TRPC5: variants seen among roughly 807,000 people sequenced by gnomAD.
The protein encoded by TRPC5 is short transient receptor potential channel 5.
TRPC5 carries 9 observed loss-of-function variants against 56.5 expected under a neutral mutation model. That is an observed-to-expected ratio of 0.16 (90% CI 0.10 to 0.28). The LOEUF (loss-of-function observed/expected upper bound fraction) is 0.28. TRPC5 is among the 10% of genes least tolerant of loss of function. The probability of loss-of-function intolerance (pLI) is 1.00; values close to 1 mark genes in which losing one functional copy is unlikely to be tolerated. For missense variants in TRPC5, 469 were observed against 748.9 expected, an observed-to-expected ratio of 0.63 and a Z score of 4.36; for synonymous variants, 282 against 278.5, an observed-to-expected ratio of 1.01 and a Z score of -0.13.
At chrX:111,800,829 C>A (rs182030255) in intron 7 of TRPC5, among the ~76,000 whole-genome samples, 12 of 110,618 alleles carry the variant, frequency 1.1e-4, no homozygotes, top group Admixed American at 7.8e-4. Context: ...GGCTTCCCAT[C>A]AAGAGTAGGC....
At chrX:112,068,999 A>T (rs928789061) in intron 1 of TRPC5, among the ~76,000 whole-genome samples, 17 of 111,864 alleles carry the variant, frequency 1.5e-4, no homozygotes. Flanking sequence ...TATGACTCAT[A>T]AGTGTCAGAG....
intron 7 of TRPC5, among the ~76,000 whole-genome samples, chrX:111,815,604 G>A (rs1332823003): frequency 1.8e-5 from 2 of 110,309 alleles, no homozygotes; most frequent in Non-Finnish European, 3.8e-5. Flanking sequence ...GCCTGTAATC[G>A]CAGCTACTCG....
At chrX:112,019,727 G>A (rs1320922048) in intron 1 of TRPC5, among the ~76,000 whole-genome samples, 2 of 112,126 alleles carry the variant, frequency 1.8e-5, no homozygotes, top group East Asian at 5.6e-4. Context: ...GAGCCACCGT[G>A]CCTGGCCAAT....
intron 1 of TRPC5, among the ~76,000 whole-genome samples, chrX:111,970,972 G>T (rs950003777): frequency 1.9e-4 from 21 of 110,140 alleles, no homozygotes; most frequent in African/African-American, 6.6e-4. Context: ...TAGAGACGGG[G>T]TTTCACCGTG....
At chrX:111,878,567 A>G (rs1924063460) in intron 3 of TRPC5, among the ~76,000 whole-genome samples, 1 of 111,502 alleles carries the variant, frequency 9.0e-6, no homozygotes, top group African/African-American at 3.3e-5. Flanking sequence ...ATTCTTGGAG[A>G]CTGTTCTGTG....
At chrX:111,924,416 G>A (rs1479215083) in intron 2 of TRPC5, among the ~76,000 whole-genome samples, 2 of 108,971 alleles carry the variant, frequency 1.8e-5, no homozygotes, top group Non-Finnish European at 3.8e-5. Context: ...TGTGGGCTGC[G>A]CCTGAATAAA....
intron 2 of TRPC5, among the ~76,000 whole-genome samples, chrX:111,941,846 C>T (rs1177818389): frequency 8.9e-6 from 1 of 112,192 alleles, no homozygotes; most frequent in Non-Finnish European, 1.9e-5. Context: ...TGCAGCCACA[C>T]GGACTCCAGG....
intron 1 of TRPC5, among the ~76,000 whole-genome samples, chrX:112,045,881 A>G (rs1930005535): frequency 9.0e-6 from 1 of 111,647 alleles, no homozygotes; most frequent in South Asian, 3.8e-4. Context: ...AGGGGTTAAT[A>G]TCTGGGATTT....
At chrX:111,875,572 C>CTTTTT (rs771241425) in intron 3 of TRPC5, among the ~76,000 whole-genome samples, 33 of 70,423 alleles carry the variant, frequency 4.7e-4, no homozygotes, top group African/African-American at 8.1e-4. Context: ...TTTTTTCTTT[C>CTTTTT]TTTTTTTTTT....
intron 1 of TRPC5, among the ~76,000 whole-genome samples, chrX:111,968,972 T>TAATAAAATAAAATAA (rs574801408): frequency 5.9e-4 from 55 of 93,496 alleles, no homozygotes; most frequent in Non-Finnish European, 1.0e-3. Flanking sequence ...ACTTAAAGTA[T>TAATAAAATAAAATAA]AATAAAATAA....
At chrX:111,805,556 C>G (rs767495986) in intron 7 of TRPC5, among the ~76,000 whole-genome samples, 1 of 111,443 alleles carries the variant, frequency 9.0e-6, no homozygotes, top group Non-Finnish European at 1.9e-5. Flanking sequence ...AAAAATCAAG[C>G]TGTATTTTTT....
In TRPC5 at chrX:111,881,547, C is replaced by T. The variant is rs931654721; in HGVS notation, c.901-27441G>A. ...CCTAGAAGAAGTTGCACAGACCATT[C>T]TGATTGGCAGAAATAAAAATATACT... On this transcript the variant is annotated intron_variant, in intron 3 of 10. Transcript: ENST00000262839. Among the ~76,000 whole-genome samples, 6 of 111,410 alleles carry T rather than the reference C, an allele frequency of 5.4e-5. No individual in the cohort carries two copies. In the Admixed American group the frequency reaches 5.8e-4, roughly 11 times the overall value.
At chrX:111,838,122 C>A (rs770365228) in intron 6 of TRPC5, among the ~76,000 whole-genome samples, 3 of 110,193 alleles carry the variant, frequency 2.7e-5, no homozygotes, top group East Asian at 5.7e-4. Context: ...AGAATGCATG[C>A]ATAAATAAAT....
intron 1 of TRPC5, among the ~76,000 whole-genome samples, chrX:111,976,163 C>T (rs962056202): frequency 1.8e-5 from 2 of 111,619 alleles, no homozygotes; most frequent in Non-Finnish European, 3.8e-5. Flanking sequence ...TGACTCACAC[C>T]TATAGCCCCT....
intron 1 of TRPC5, among the ~76,000 whole-genome samples, chrX:112,080,060 A>G (rs980697744): frequency 8.9e-6 from 1 of 111,960 alleles, no homozygotes; most frequent in African/African-American, 3.3e-5. Context: ...TTTTAACCTA[A>G]GAAAATACTT....
At chrX:112,034,519 CT>C (rs1305083882) in intron 1 of TRPC5, among the ~76,000 whole-genome samples, 1 of 109,924 alleles carries the variant, frequency 9.1e-6, no homozygotes, top group Non-Finnish European at 1.9e-5. Flanking sequence ...TGTTTGTTAG[CT>C]TTTTCTGCAT....
intron 1 of TRPC5, among the ~76,000 whole-genome samples, chrX:112,079,798 G>C (rs1038537291): frequency 3.6e-5 from 4 of 111,533 alleles, no homozygotes; most frequent in Non-Finnish European, 5.6e-5. Context: ...ACTGAAGCCA[G>C]GTGAATTAGT....
At chrX:112,066,735 T>G in intron 1 of TRPC5, among the ~76,000 whole-genome samples, 1 of 112,585 alleles carries the variant, frequency 8.9e-6, no homozygotes, top group Admixed American at 9.4e-5. Flanking sequence ...TGTAAAGCAC[T>G]TAGTGTCTGG....
At chrX:111,987,358 T>C (rs1001857767) in intron 1 of TRPC5, among the ~76,000 whole-genome samples, 2 of 111,557 alleles carry the variant, frequency 1.8e-5, no homozygotes, top group Non-Finnish European at 3.8e-5. Context: ...TTATTTTTTT[T>C]GTAGTAAGAG....
Sources: gnomAD v4.1 joint callset for allele counts (sites outside exome capture counted in the v4.1 genomes callset) on GRCh38, gnomAD v4.1.1 for gene constraint, MANE v1.5 for transcripts, NCBI Gene and HGNC (gene_info 2026-07-23, HGNC 2026-07-21) for gene names.